DPYD: variants seen among roughly 807,000 people sequenced by gnomAD.
DPYD encodes the protein dihydropyrimidine dehydrogenase [NADP(+)].
A neutral mutation model predicts 116.2 loss-of-function variants in DPYD; 109 were observed. The observed-to-expected ratio is 0.94, with a 90% CI of 0.80 to 1.10. DPYD has a LOEUF of 1.10. DPYD is among the 50% of genes least tolerant of loss of function. DPYD has a pLI of 0.00. For synonymous variants in DPYD, 440 were observed against 432.0 expected (o/e 1.02, Z -0.23); for missense variants, 1,302 against 1,254.5 (o/e 1.04, Z -0.57).
intron 16 of DPYD, among the ~76,000 whole-genome samples, chr1:97,315,730 T>C (rs1667792278): frequency 6.6e-6 from 1 of 151,982 alleles, no homozygotes; most frequent in Non-Finnish European, 1.5e-5. Flanking sequence ...TCTTCTGAAT[T>C]CTAGTTCTAC....
intron 13 of DPYD, among the ~76,000 whole-genome samples, chr1:97,462,922 TAATAAG>T (rs1356904918): frequency 6.6e-6 from 1 of 152,144 alleles, no homozygotes; most frequent in East Asian, 1.9e-4. Context: ...TTCATCTGCA[TAATAAG>T]AATCTTGGTC....
At chr1:97,412,630 C>T (rs1674073166) in intron 14 of DPYD, among the ~76,000 whole-genome samples, 1 of 152,022 alleles carries the variant, frequency 6.6e-6, no homozygotes, top group Non-Finnish European at 1.5e-5. Flanking sequence ...AAAGTATGGA[C>T]AATTAAGTTT....
chr1:97,287,902 A>T (rs927234870), intron 18 of DPYD, among the ~76,000 whole-genome samples: 1 of 152,066 alleles, frequency 6.6e-6, no homozygotes, highest in Non-Finnish European at 1.5e-5. Context: ...AATTAGATAA[A>T]GAGTCAAGTC....
At chr1:97,490,147 G>A (rs943435273) in intron 13 of DPYD, among the ~76,000 whole-genome samples, 3 of 151,742 alleles carry the variant, frequency 2.0e-5, no homozygotes, top group African/African-American at 7.3e-5. Flanking sequence ...AATACTGCCT[G>A]CCACATAATA....
intron 13 of DPYD, among the ~76,000 whole-genome samples, chr1:97,450,830 A>G (rs1233588599): frequency 1.3e-5 from 2 of 152,146 alleles, no homozygotes; most frequent in Non-Finnish European, 2.9e-5. Context: ...TGAAATGAGT[A>G]TATCAATAAC....
intron 14 of DPYD, among the ~76,000 whole-genome samples, chr1:97,410,923 CCT>C (rs1466646775): frequency 6.6e-6 from 1 of 152,058 alleles, no homozygotes; most frequent in Non-Finnish European, 1.5e-5. Flanking sequence ...GACATGTGTG[CCT>C]CTCTGATTTG....
chr1:97,596,186 A>G (rs1654870409), intron 8 of DPYD, among the ~76,000 whole-genome samples: 1 of 152,142 alleles, frequency 6.6e-6, no homozygotes, highest in Non-Finnish European at 1.5e-5. Context: ...AATATGGTAT[A>G]AGATTGTAAT....
At position 97,460,038 on chromosome 1, in the gene DPYD, CTCT is replaced by C. The variant is rs1448642480; in HGVS notation, c.1741-9818_1741-9816del. Among the ~76,000 whole-genome samples, 7 of 152,170 alleles carry C rather than the reference CTCT, an allele frequency of 4.6e-5. No homozygotes were observed. In the South Asian group the frequency reaches 1.2e-3, roughly 27 times the overall value. On this transcript the variant is annotated intron_variant, in intron 13 of 22. Coordinates refer to ENST00000370192, the MANE Select transcript of DPYD (RefSeq NM_000110.4). ...CAAAGGTACAGGAATATCTTATGTT[CTCT>C]TCTTCTGTGAAATGAGAAAAAGGTA... is the stretch of plus-strand genomic sequence containing the variant.
At position 97,522,408 on chromosome 1, in the gene DPYD, A is replaced by C. The variant is rs540639621; in HGVS notation, c.1525-6467T>G. On this transcript the variant is annotated intron_variant, in intron 12 of 22. Transcript: ENST00000370192. Reference sequence around the variant, plus strand: ...TGACCAAACATATCTTAACCAAATTATTATCTCCATTGCAATTAAAAATAT... The same window carrying C: ...TGACCAAACATATCTTAACCAAATTCTTATCTCCATTGCAATTAAAAATAT... Among the ~76,000 whole-genome samples, 9 of 152,142 alleles carry C rather than the reference A, an allele frequency of 5.9e-5. No individual in the cohort carries two copies. In the South Asian group the frequency reaches 1.9e-3, roughly 32 times the overall value.
At position 97,880,695 on chromosome 1, in the gene DPYD, G is replaced by A. The variant is rs144427505; in HGVS notation, c.150+2569C>T. Among the ~76,000 whole-genome samples, 549 of 151,854 alleles carry A rather than the reference G, an allele frequency of 3.6e-3. 6 individuals carry two copies. Among genetic ancestry groups the A allele is most frequent in the African/African-American group, 0.013 (530 of 41,484 alleles). ...TACAGAAGACCTGAAATATACAAAA[G>A]TGCCAAAAAATATAATCAATATTAA... is the stretch of plus-strand genomic sequence containing the variant. On this transcript the variant is annotated intron_variant, in intron 2 of 22. Transcript: ENST00000370192.
At chr1:97,707,757 CAT>C (rs1472898308) in intron 5 of DPYD, among the ~76,000 whole-genome samples, 3 of 151,900 alleles carry the variant, frequency 2.0e-5, no homozygotes, top group South Asian at 2.1e-4. Flanking sequence ...CCTGATGATA[CAT>C]ATGAGGCATC....
chr1:97,767,238 C>G (rs1297446495), intron 3 of DPYD, among the ~76,000 whole-genome samples: 2 of 152,052 alleles, frequency 1.3e-5, no homozygotes, highest in African/African-American at 4.8e-5. Context: ...CATATTTTTT[C>G]CTTTAGGAGA....
chr1:97,193,798 A>G (rs1658558589), intron 19 of DPYD, among the ~76,000 whole-genome samples: 1 of 152,052 alleles, frequency 6.6e-6, no homozygotes, highest in African/African-American at 2.4e-5. Context: ...CTTCCTCAAA[A>G]AAAATGCCAT....
At chr1:97,881,677 T>C (rs1672228144) in intron 2 of DPYD, among the ~76,000 whole-genome samples, 1 of 151,994 alleles carries the variant, frequency 6.6e-6, no homozygotes, top group Admixed American at 6.6e-5. Context: ...ATAAAGAAAG[T>C]CTCCATTTCG....
In DPYD at chr1:97,918,148, T is replaced by A. The variant is rs115084448; in HGVS notation, c.39+2736A>T. 2.7e-3 allele frequency among the ~76,000 whole-genome samples: 405 copies of A among 152,342 alleles called. 2 individuals are homozygous for A. Among genetic ancestry groups the A allele is most frequent in the African/African-American group, 9.0e-3 (374 of 41,576 alleles). ...CTATTAACGGACTTTAAAATGCTAA[T>A]CATTTCATTGGAAGTGATTTTCCTG... On this transcript the variant is annotated intron_variant, in intron 1 of 22. Transcript: ENST00000370192.
chr1:97,173,271 T>C lies in DPYD; in HGVS notation c.2622+19798A>G, dbSNP rs372323419. Among the ~76,000 whole-genome samples, 39 of 145,748 alleles carry C rather than the reference T, an allele frequency of 2.7e-4. 1 individual carries two copies. Among genetic ancestry groups the C allele is most frequent in the Middle Eastern group, 3.5e-3 (1 of 282 alleles). On this transcript the variant is annotated intron_variant, in intron 20 of 22. Coordinates refer to ENST00000370192, the MANE Select transcript of DPYD (RefSeq NM_000110.4). Reference sequence around the variant, plus strand: ...GTACATATATGCACACATATGTACATATATATGCACACATATATGTACACA... The same window carrying C: ...GTACATATATGCACACATATGTACACATATATGCACACATATATGTACACA...
intron 8 of DPYD, among the ~76,000 whole-genome samples, chr1:97,641,017 G>A (rs1306286685): frequency 6.6e-6 from 1 of 152,100 alleles, no homozygotes; most frequent in African/African-American, 2.4e-5. Context: ...ATTTGAAAAG[G>A]GAGCCATAGG....
At chr1:97,845,692 C>G (rs915495091) in intron 2 of DPYD, among the ~76,000 whole-genome samples, 1 of 152,172 alleles carries the variant, frequency 6.6e-6, no homozygotes, top group African/African-American at 2.4e-5. Context: ...TCCTACTGCT[C>G]GCCAGGTTGT....
intron 3 of DPYD, among the ~76,000 whole-genome samples, chr1:97,776,143 T>C (rs1311862879): frequency 6.6e-6 from 1 of 152,138 alleles, no homozygotes; most frequent in Non-Finnish European, 1.5e-5. Flanking sequence ...ATCATTTTCA[T>C]CTGCTTTATC....
Sources: gnomAD v4.1 joint callset for allele counts (sites outside exome capture counted in the v4.1 genomes callset) on GRCh38, gnomAD v4.1.1 for gene constraint, MANE v1.5 for transcripts, NCBI Gene and HGNC (gene_info 2026-07-23, HGNC 2026-07-21) for gene names.